The following TRMT11 variants were observed in gnomAD, a reference collection of about 807,000 sequenced individuals.
TRMT11 encodes tRNA (guanine(10)-N(2))-methyltransferase TRMT11.
TRMT11 carries 53 observed loss-of-function variants against 62.8 expected under a neutral mutation model. The ratio of observed to expected loss-of-function variants is 0.84; its 90% CI spans 0.68 to 1.06. The LOEUF (loss-of-function observed/expected upper bound fraction) is 1.06. Ranked by LOEUF, TRMT11 falls within the 50% of genes least tolerant of loss-of-function variation. The pLI, the probability that TRMT11 is intolerant of heterozygous loss-of-function variation, is 0.00. For synonymous variants in TRMT11, 188 were observed against 190.3 expected (o/e 0.99, Z 0.10); for missense variants, 556 against 553.4 (o/e 1.00, Z -0.05).
At chr6:126,008,703 C>T (rs757710315) in intron 8 of TRMT11, 1 of 678,446 alleles carries the variant, frequency 1.5e-6, no homozygotes, top group Admixed American at 2.0e-5. Context: ...TATGATGATC[C>T]ACTTCCACTT....
chr6:126,270,153 A>G, the TRMT11 span, among the ~76,000 whole-genome samples: 1 of 152,224 alleles, frequency 6.6e-6, no homozygotes, highest in African/African-American at 2.4e-5. Flanking sequence ...GAACTAATCC[A>G]GATAATTTGA....
upstream of TRMT11, among the ~76,000 whole-genome samples, chr6:126,172,438 G>A (rs942472130): frequency 1.3e-5 from 2 of 152,150 alleles, no homozygotes; most frequent in African/African-American, 4.8e-5. Context: ...GTTGGACCAT[G>A]GCTGCATTTC....
chr6:126,224,191 G>A, the TRMT11 span, among the ~76,000 whole-genome samples: 3 of 152,326 alleles, frequency 2.0e-5, no homozygotes, highest in Admixed American at 6.5e-5. Flanking sequence ...GAGAGTTAGT[G>A]CAGTCGTTGG....
chr6:126,205,126 G>C (rs1182821555), downstream of TRMT11, among the ~76,000 whole-genome samples: 1 of 152,204 alleles, frequency 6.6e-6, no homozygotes, highest in East Asian at 1.9e-4. Flanking sequence ...GCACAAGTTT[G>C]AAAGAAGTGC....
intron 17 of TRMT11, among the ~76,000 whole-genome samples, chr6:126,103,076 C>G (rs1777420717): frequency 6.6e-6 from 1 of 152,184 alleles, no homozygotes; most frequent in African/African-American, 2.4e-5. Context: ...TCTATTTATC[C>G]TGCAAGAACT....
chr6:126,162,909 G>A (rs1395598783), intron 21 of TRMT11, among the ~76,000 whole-genome samples: 1 of 152,150 alleles, frequency 6.6e-6, no homozygotes, highest in Non-Finnish European at 1.5e-5. Flanking sequence ...CATTGATTTT[G>A]TATCCTGAGA....
chr6:125,986,946 A>C, intron 1 of TRMT11: 1 of 337,872 alleles, frequency 3.0e-6, no homozygotes. Context: ...CAGCTAACAA[A>C]TGCTCAGGCT....
At chr6:126,002,544 G>T (rs1290200976) in intron 7 of TRMT11, among the ~76,000 whole-genome samples, 1 of 152,168 alleles carries the variant, frequency 6.6e-6, no homozygotes, top group African/African-American at 2.4e-5. Context: ...GGGCAGTAAA[G>T]TCAAATACTG....
intron 1 of TRMT11, among the ~76,000 whole-genome samples, chr6:126,191,103 A>AT (rs925269063): frequency 2.4e-4 from 36 of 151,422 alleles, no homozygotes; most frequent in African/African-American, 6.3e-4. Context: ...AGCATTTGTT[A>AT]TTTTTTTTGC....
At chr6:125,986,903 TC>T (rs1401059226) in intron 1 of TRMT11, 4 of 449,758 alleles carry the variant, frequency 8.9e-6, no homozygotes, top group African/African-American at 8.1e-5. Flanking sequence ...GTCATCTCAC[TC>T]CCGGAGCTCT....
the TRMT11 span, among the ~76,000 whole-genome samples, chr6:126,223,008 T>C: frequency 6.6e-6 from 1 of 151,970 alleles, no homozygotes; most frequent in African/African-American, 2.4e-5. Flanking sequence ...CCTTGTAAGG[T>C]AGGTCTGGTG....
At chr6:126,150,866 A>G (rs563999209) in intron 21 of TRMT11, among the ~76,000 whole-genome samples, 1 of 152,280 alleles carries the variant, frequency 6.6e-6, no homozygotes, top group East Asian at 1.9e-4. Flanking sequence ...AATCTGGCTG[A>G]GTGATGGTTG....
chr6:126,032,525 C>T (rs1774393542), intron 12 of TRMT11, among the ~76,000 whole-genome samples: 1 of 152,132 alleles, frequency 6.6e-6, no homozygotes. Context: ...TTCTTCCCCT[C>T]TTTTCATATG....
chr6:126,260,986 G>T, the TRMT11 span, among the ~76,000 whole-genome samples: 1 of 152,170 alleles, frequency 6.6e-6, no homozygotes, highest in South Asian at 2.1e-4. Flanking sequence ...TATGTGGGAA[G>T]TTTTCAGCTA....
At chr6:126,115,289 C>A (rs527859847) in intron 19 of TRMT11, among the ~76,000 whole-genome samples, 3 of 152,214 alleles carry the variant, frequency 2.0e-5, no homozygotes, top group South Asian at 4.1e-4. Context: ...CTCTGTAGTT[C>A]TTGACTTTGC....
chr6:126,251,486 A>G, the TRMT11 span, among the ~76,000 whole-genome samples: 1 of 152,188 alleles, frequency 6.6e-6, no homozygotes, highest in Admixed American at 6.5e-5. Context: ...AGTGTTTAAA[A>G]TTCACACTTT....
At chr6:126,045,296 T>C (rs554743965) in intron 16 of TRMT11, among the ~76,000 whole-genome samples, 5 of 152,296 alleles carry the variant, frequency 3.3e-5, no homozygotes, top group Admixed American at 2.6e-4. Flanking sequence ...TCAATGAATA[T>C]GTCAGGCGCT....
chr6:126,141,850 G>T (rs149848291), intron 21 of TRMT11, among the ~76,000 whole-genome samples: 8 of 152,084 alleles, frequency 5.3e-5, no homozygotes, highest in African/African-American at 9.6e-5. Context: ...TCATAGTTTT[G>T]CATTAAGACT....
chr6:126,209,437 T>C, the TRMT11 span, among the ~76,000 whole-genome samples: 8 of 152,054 alleles, frequency 5.3e-5, no homozygotes, highest in African/African-American at 1.7e-4. Flanking sequence ...TACTTTGGTG[T>C]AGGCCGGGCG....
Sources: allele counts gnomAD v4.1 joint callset (sites outside exome capture counted in the v4.1 genomes callset), GRCh38; gene constraint gnomAD v4.1.1; transcripts MANE v1.5; gene names NCBI Gene and HGNC (gene_info 2026-07-23, HGNC 2026-07-21).